Variants in TTYH2 observed in about 807,000 individuals in gnomAD.
TTYH2 encodes the protein tweety family member 2.
Under a neutral mutation model 68.3 loss-of-function variants are expected in TTYH2, and 49 were observed. The observed-to-expected ratio is 0.72, with a 90% CI of 0.57 to 0.91. The LOEUF (loss-of-function observed/expected upper bound fraction) is 0.91, where lower values mean the gene tolerates loss of function less well. Ranked by LOEUF, TTYH2 falls within the 40% of genes least tolerant of loss-of-function variation. The pLI is 0.00. For missense variants in TTYH2, 631 were observed against 700.4 expected, an observed-to-expected ratio of 0.90 and a Z score of 1.12; for synonymous variants, 272 against 300.8, an observed-to-expected ratio of 0.90 and a Z score of 0.99.
Position 74,232,817 on chromosome 17 carries a change from A to G in TTYH2, c.414+1818A>G, listed in dbSNP as rs1000540685. ...AGAACTCCCTTATGGGAAAACATCAAGTCCTAGAAGTCCCTATCCCACAGG... is the reference window on the plus strand; with the variant it reads ...AGAACTCCCTTATGGGAAAACATCAGGTCCTAGAAGTCCCTATCCCACAGG... On this transcript the variant is annotated intron_variant, in intron 3 of 13. Transcript: ENST00000269346. The surrounding 1 kb of genome is among the most constrained non-coding windows in gnomAD (Gnocchi z 5.1). Among the ~76,000 whole-genome samples, 3 of 152,192 alleles carry G rather than the reference A, an allele frequency of 2.0e-5. No homozygotes were observed. The highest frequency in any genetic ancestry group is 7.2e-5 in the African/African-American group (3 of 41,450).
At chr17:74,233,223 G>A (rs966543759) in intron 3 of TTYH2, among the ~76,000 whole-genome samples, 2 of 152,150 alleles carry the variant, frequency 1.3e-5, no homozygotes, top group African/African-American at 4.8e-5. Flanking sequence ...GCCTCCAGGT[G>A]GAAAGGTGGC....
chr17:74,215,275 G>A lies in TTYH2; in HGVS notation c.129+1559G>A, dbSNP rs1443597405. On this transcript the variant is annotated intron_variant, in intron 1 of 13. Transcript: ENST00000269346. This position sits in a 1 kb window ranked among gnomAD's most constrained non-coding sequence, Gnocchi z 4.3. ...AGCCATAGTTTTCTCCTCTCCACTGGAGGAAATCTAAACTTTTCATTGGGT... is the reference window on the plus strand; with the variant it reads ...AGCCATAGTTTTCTCCTCTCCACTGAAGGAAATCTAAACTTTTCATTGGGT... Among the ~76,000 whole-genome samples the A allele has an allele frequency of 6.6e-6, 1 of 151,890 alleles. No homozygotes were observed. The highest frequency in any genetic ancestry group is 6.6e-5 in the Admixed American group (1 of 15,258).
intron 13 of TTYH2, among the ~76,000 whole-genome samples, chr17:74,255,464 T>G (rs1374533639): frequency 6.6e-6 from 1 of 152,120 alleles, no homozygotes; most frequent in Non-Finnish European, 1.5e-5. Flanking sequence ...TTTTTTATTT[T>G]TTTTTGAGAC....
chr17:74,247,716 G>T (rs956232449), intron 6 of TTYH2, among the ~76,000 whole-genome samples: 1 of 152,230 alleles, frequency 6.6e-6, no homozygotes, highest in African/African-American at 2.4e-5. Context: ...CAGCCAGGGG[G>T]TGGGGGCACA....
At chr17:74,240,150 G>A (rs903181504) in intron 4 of TTYH2, among the ~76,000 whole-genome samples, 10 of 152,136 alleles carry the variant, frequency 6.6e-5, no homozygotes, top group Admixed American at 2.6e-4. Context: ...CTGCTTATTC[G>A]GGTTGAGGCA....
intron 7 of TTYH2, 106 bp from the exon 8 acceptor site, chr17:74,249,238 T>G: frequency 6.4e-7 from 1 of 1,571,166 alleles, no homozygotes; most frequent in Non-Finnish European, 8.8e-7. Context: ...AGTGCCTCCC[T>G]TGGGAGCTCA....
chr17:74,259,574 G>A (rs894329356), intron 13 of TTYH2, among the ~76,000 whole-genome samples: 1 of 152,122 alleles, frequency 6.6e-6, no homozygotes, highest in African/African-American at 2.4e-5. Context: ...CCTGGGCATC[G>A]GGATGTTTTT....
In TTYH2 at chr17:74,252,346, G is replaced by C. The variant is rs751626306; in HGVS notation, c.1229G>C (p.Gly410Ala). The C allele has an allele frequency of 6.2e-7, 1 of 1,613,684 alleles. No individual in the cohort carries two copies. The highest frequency in any genetic ancestry group is 2.2e-5 in the East Asian group (1 of 44,898). ...GCCTTCTCCACCATGATCTGTGCAGGGCCAAGGGCCTGGAAGCACTTCACC... is the reference window on the plus strand; with the variant it reads ...GCCTTCTCCACCATGATCTGTGCAGCGCCAAGGGCCTGGAAGCACTTCACC... ...ALAFSTMICA[G>A]PRAWKHFTTR... The change falls in exon 11 of 14, where the codon GGG becomes GCG. Residue 410 changes from glycine (G) to alanine (A), a missense_variant. Physicochemically the swap from Gly to Ala is moderately conservative, Grantham distance 60. Transcript: ENST00000269346.
rs111642311 is a variant in TTYH2, at chr17:74,214,951, G to A, written c.129+1235G>A. Among the ~76,000 whole-genome samples, 25 of 152,228 alleles carry A rather than the reference G, an allele frequency of 1.6e-4. 1 individual carries two copies. Among genetic ancestry groups the A allele is most frequent in the African/African-American group, 5.5e-4 (23 of 41,536 alleles). On this transcript the variant is annotated intron_variant, in intron 1 of 13. Coordinates refer to ENST00000269346, the MANE Select transcript of TTYH2 (RefSeq NM_032646.6). The surrounding 1 kb of genome is among the most constrained non-coding windows in gnomAD (Gnocchi z 4.6). ...CTGCCATCAGGCCCAGGCAGATGGT[G>A]CCTGCCCTACCAGAGGGAGGGGAGC...
rs2050738047 is a variant in TTYH2, at chr17:74,260,397, C to T, written c.*188C>T. The T allele has an allele frequency of 1.6e-6, 1 of 619,002 alleles. No homozygotes were observed. The highest frequency in any genetic ancestry group is 1.8e-5 in the South Asian group (1 of 54,140). 38.3% of individuals were successfully genotyped at this position (619,002 alleles called of 1,614,324 possible). ...CAGAAGACTCACCACGCGGGCCAGC[C>T]TCTCTCTTTTGCCCTGCTCTCCACA... On this transcript the variant is annotated 3_prime_UTR_variant, in exon 14 of 14. Coordinates refer to ENST00000269346, the MANE Select transcript of TTYH2 (RefSeq NM_032646.6).
At chr17:74,240,424 G>A (rs149014148) in intron 4 of TTYH2, among the ~76,000 whole-genome samples, 19 of 151,316 alleles carry the variant, frequency 1.3e-4, no homozygotes, top group African/African-American at 4.1e-4. Flanking sequence ...GGGCAATAGA[G>A]TGAGACTCTG....
chr17:74,239,189 C>T lies in TTYH2; in HGVS notation c.635+1675C>T, dbSNP rs2050474648. ...CTGGACACAATCGGCGGAGCAGGGA[C>T]CTGCTGCCCCTCTCCAGGTGCAGGG... On this transcript the variant is annotated intron_variant, in intron 4 of 13. Transcript: ENST00000269346. The surrounding 1 kb of genome is among the most constrained non-coding windows in gnomAD (Gnocchi z 5.3). Among the ~76,000 whole-genome samples, 1 of 152,218 alleles carries T rather than the reference C, an allele frequency of 6.6e-6. No individual in the cohort carries two copies. The highest frequency in any genetic ancestry group is 1.5e-5 in the Non-Finnish European group (1 of 68,048).
intron 4 of TTYH2, 126 bp downstream of exon 4, chr17:74,237,640 T>C: frequency 1.2e-6 from 1 of 857,174 alleles, no homozygotes; most frequent in South Asian, 1.9e-5. Context: ...TTGTTTTGTT[T>C]TTTTAAGACA....
intron 6 of TTYH2, chr17:74,248,716 G>T (rs1567819275): frequency 7.6e-6 from 10 of 1,313,786 alleles, no homozygotes; most frequent in Non-Finnish European, 9.7e-6. Flanking sequence ...GTAACAGCAT[G>T]CGCTCTGCCC....
rs539683534 is a variant in TTYH2, at chr17:74,222,543, T to C, written c.188T>C (p.Leu63Pro). 105 of 1,612,682 alleles carry C rather than the reference T, an allele frequency of 6.5e-5. No individual in the cohort carries two copies. The highest frequency in any genetic ancestry group is 2.3e-4 in the Admixed American group (14 of 60,026). Reference protein sequence around the residue: ...AVCLGLNLIFLVAYLVCACHC... With the variant: ...AVCLGLNLIFPVAYLVCACHC... ...TGCCTGGGCCTGAACCTCATCTTCC[T>C]TGTGGCTTACCTGGTCTGTGCATGC... Residue 63 changes from leucine (L) to proline (P), a missense_variant, in exon 2 of 14, where the codon CTT becomes CCT. Physicochemically the swap from Leu to Pro is moderately conservative, Grantham distance 98. Coordinates refer to ENST00000269346, the MANE Select transcript of TTYH2 (RefSeq NM_032646.6). The surrounding 1 kb of genome is among the most constrained non-coding windows in gnomAD (Gnocchi z 5.2).
chr17:74,232,110 T>C lies in TTYH2; in HGVS notation c.414+1111T>C, dbSNP rs1322307298. On this transcript the variant is annotated intron_variant, in intron 3 of 13. Coordinates refer to ENST00000269346, the MANE Select transcript of TTYH2 (RefSeq NM_032646.6). The surrounding 1 kb of genome is among the most constrained non-coding windows in gnomAD (Gnocchi z 5.1). Reference sequence around the variant, plus strand: ...AGCACCAGACCTTTTCAGCTGCTTATCCGAGCAGCCTCTGCCACAAAATCC... The same window carrying C: ...AGCACCAGACCTTTTCAGCTGCTTACCCGAGCAGCCTCTGCCACAAAATCC... 6.6e-6 allele frequency among the ~76,000 whole-genome samples: 1 copy of C among 152,162 alleles called. No homozygotes were observed. The highest frequency in any genetic ancestry group is 2.4e-5 in the African/African-American group (1 of 41,442).
intron 4 of TTYH2, 54 bp from the exon 5 acceptor site, chr17:74,243,320 G>A: frequency 6.7e-7 from 1 of 1,484,668 alleles, no homozygotes; most frequent in Non-Finnish European, 9.4e-7. Flanking sequence ...CACGTGGCCA[G>A]CAGGTCAGAA....
rs879363809 is a variant in TTYH2 at position 74,261,509 on chromosome 17, C to T, written c.*1300C>T. On this transcript the variant is annotated 3_prime_UTR_variant, in exon 14 of 14. Coordinates refer to ENST00000269346, the MANE Select transcript of TTYH2 (RefSeq NM_032646.6). ...TCCCAGGCCACAGGAGCTTATTGGCCAGGAGGGAATAATGTCCCCCAATAC... is the reference window on the plus strand; with the variant it reads ...TCCCAGGCCACAGGAGCTTATTGGCTAGGAGGGAATAATGTCCCCCAATAC... 6.6e-6 allele frequency: 1 copy of T among 152,632 alleles called. No homozygotes were observed. The highest frequency in any genetic ancestry group is 1.5e-5 in the Non-Finnish European group (1 of 68,066). 9.5% of individuals were successfully genotyped at this position (152,632 alleles called of 1,614,324 possible). A position where few individuals can be genotyped will look rare whatever the true frequency, so the allele number is the denominator to read the frequency against.
rs1315549408 is a variant in TTYH2 at position 74,215,141 on chromosome 17, A to G, written c.129+1425A>G. ...TCTTCCTCTCCCAGAGAATGCATGA[A>G]AAGAGGCGGATATGATTTCAGAAAC... On this transcript the variant is annotated intron_variant, in intron 1 of 13. Coordinates refer to ENST00000269346, the MANE Select transcript of TTYH2 (RefSeq NM_032646.6). The surrounding 1 kb of genome is among the most constrained non-coding windows in gnomAD (Gnocchi z 4.3). Among the ~76,000 whole-genome samples the G allele has an allele frequency of 6.6e-6, 1 of 151,420 alleles. No individual in the cohort carries two copies. Among genetic ancestry groups the G allele is most frequent in the Non-Finnish European group, 1.5e-5 (1 of 67,950 alleles).
Sources: gnomAD v4.1 joint callset for allele counts (sites outside exome capture counted in the v4.1 genomes callset) on GRCh38, gnomAD v4.1.1 for gene constraint, Gnocchi (gnomAD v3.1) non-coding constraint, MANE v1.5 for transcripts, NCBI Gene and HGNC (gene_info 2026-07-23, HGNC 2026-07-21) for gene names.